Variants in OR56A3 observed in about 807,000 individuals in gnomAD.
The protein encoded by OR56A3 is olfactory receptor family 56 subfamily A member 3, also known as olfactory receptor 56A3.
OR56A3 carries 23 observed loss-of-function variants against 17.5 expected under a neutral mutation model. The observed-to-expected ratio is 1.32, with a 90% CI of 0.95 to 1.87. OR56A3 has a LOEUF of 1.87. OR56A3 is among the 40% of genes most tolerant of loss of function. The probability of loss-of-function intolerance (pLI) is 0.00; values close to 1 mark genes in which losing one functional copy is unlikely to be tolerated. For synonymous variants in OR56A3, 175 were observed against 150.6 expected (o/e 1.16, Z -1.19); for missense variants, 366 against 380.1 (o/e 0.96, Z 0.31).
At chr11:5,958,791 C>T in the OR56A3 span, among the ~76,000 whole-genome samples, 5 of 152,136 alleles carry the variant, frequency 3.3e-5, no homozygotes, top group Non-Finnish European at 7.4e-5. Context: ...ATGCCCTCCT[C>T]CTCCCTGATC....
the OR56A3 span, among the ~76,000 whole-genome samples, chr11:5,961,079 A>G: frequency 5.4e-5 from 8 of 147,810 alleles, no homozygotes; most frequent in Admixed American, 1.3e-4. Context: ...CAGCCGCCCC[A>G]TCCGGGAGCT....
chr11:5,953,967 A>G (rs191702731), downstream of OR56A3, among the ~76,000 whole-genome samples: 696 of 152,220 alleles, frequency 4.6e-3, 4 homozygotes, highest in South Asian at 6.8e-3. Flanking sequence ...GTTGCAGGGG[A>G]AAAAAGGTGA....
At chr11:5,967,959 T>C in the OR56A3 span, 1 of 1,593,972 alleles carries the variant, frequency 6.3e-7, no homozygotes, top group South Asian at 1.1e-5. Flanking sequence ...ACAGATGCAG[T>C]TCTTGATGAT....
the OR56A3 span, among the ~76,000 whole-genome samples, chr11:5,991,344 C>T: frequency 6.6e-6 from 1 of 152,176 alleles, no homozygotes; most frequent in South Asian, 2.1e-4. Flanking sequence ...TCAGCCCTCC[C>T]CTAATCATTT....
chr11:6,016,184 ACTCT>A, the OR56A3 span, among the ~76,000 whole-genome samples: 1 of 151,260 alleles, frequency 6.6e-6, no homozygotes, highest in Non-Finnish European at 1.5e-5. Flanking sequence ...GCAACTCCCC[ACTCT>A]CTCTCGGTCC....
At chr11:5,980,278 A>C in the OR56A3 span, among the ~76,000 whole-genome samples, 1 of 152,102 alleles carries the variant, frequency 6.6e-6, no homozygotes, top group African/African-American at 2.4e-5. Flanking sequence ...TGATACTATC[A>C]ATGGGGTATT....
chr11:6,014,071 C>T, the OR56A3 span, among the ~76,000 whole-genome samples: 9 of 152,294 alleles, frequency 5.9e-5, no homozygotes, highest in East Asian at 5.8e-4. Flanking sequence ...CCAGAGTCCA[C>T]GTATGCTGCC....
the OR56A3 span, among the ~76,000 whole-genome samples, chr11:5,991,879 C>A: frequency 6.6e-6 from 1 of 152,186 alleles, no homozygotes; most frequent in Non-Finnish European, 1.5e-5. Context: ...GACTCATAGA[C>A]AACCTGCACA....
chr11:6,007,903 C>T, the OR56A3 span, among the ~76,000 whole-genome samples: 1 of 152,186 alleles, frequency 6.6e-6, no homozygotes, highest in Non-Finnish European at 1.5e-5. Flanking sequence ...CTGGGAGTGG[C>T]CCTCTTCATG....
chr11:5,994,185 C>T, the OR56A3 span: 2 of 517,926 alleles, frequency 3.9e-6, no homozygotes, highest in South Asian at 1.6e-5. Flanking sequence ...CATAGCAGGC[C>T]TCCACCTCCC....
the OR56A3 span, among the ~76,000 whole-genome samples, chr11:5,974,385 A>G: frequency 6.6e-6 from 1 of 152,212 alleles, no homozygotes; most frequent in African/African-American, 2.4e-5. Context: ...GATTACAGGC[A>G]TGAGCCACCG....
At chr11:5,996,234 A>G in the OR56A3 span, among the ~76,000 whole-genome samples, 3 of 152,314 alleles carry the variant, frequency 2.0e-5, no homozygotes, top group Non-Finnish European at 4.4e-5. Flanking sequence ...GTGTATATAT[A>G]TGTGTGTGTA....
chr11:5,964,978 G>C, the OR56A3 span, among the ~76,000 whole-genome samples: 10 of 152,118 alleles, frequency 6.6e-5, no homozygotes, highest in Admixed American at 3.3e-4. Flanking sequence ...TTAAAACCAG[G>C]TACTGTGATC....
At chr11:5,979,630 T>C in the OR56A3 span, among the ~76,000 whole-genome samples, 2 of 152,050 alleles carry the variant, frequency 1.3e-5, no homozygotes, top group African/African-American at 2.4e-5. Flanking sequence ...GCCTAGCTGA[T>C]AATTTTTCTT....
chr11:5,978,532 T>C, the OR56A3 span, among the ~76,000 whole-genome samples: 4 of 152,096 alleles, frequency 2.6e-5, no homozygotes, highest in South Asian at 2.1e-4. Context: ...TTGGTGTGTA[T>C]AGGAATAGTA....
chr11:5,967,744 T>G, the OR56A3 span: 5 of 1,608,906 alleles, frequency 3.1e-6, no homozygotes, highest in Non-Finnish European at 4.2e-6. Flanking sequence ...AAGAAGAGGA[T>G]GAGGATGAAG....
chr11:5,975,624 T>C, the OR56A3 span, among the ~76,000 whole-genome samples: 1 of 152,168 alleles, frequency 6.6e-6, no homozygotes, highest in African/African-American at 2.4e-5. Context: ...ACATTTGGCT[T>C]GATTCCAAGT....
At chr11:5,947,272 T>C in intron 2 of OR56A3, 39 bp from the exon 3 acceptor site, 1 of 1,336,972 alleles carries the variant, frequency 7.5e-7, no homozygotes, top group South Asian at 1.4e-5. Context: ...TCTTTGTGTA[T>C]CAAGAATCCA....
the OR56A3 span, chr11:6,000,274 T>C: frequency 2.6e-5 from 4 of 152,348 alleles, no homozygotes; most frequent in Admixed American, 2.6e-4. Flanking sequence ...CATGGAATAC[T>C]ATGCAGCCAT....
Sources: allele counts gnomAD v4.1 joint callset (sites outside exome capture counted in the v4.1 genomes callset), GRCh38; gene constraint gnomAD v4.1.1; transcripts MANE v1.5; gene names NCBI Gene and HGNC (gene_info 2026-07-23, HGNC 2026-07-21).